Variants in ITFG1 observed in about 807,000 individuals in gnomAD.
The protein encoded by ITFG1 is integrin alpha FG-GAP repeat containing 1, also known as T-cell immunomodulatory protein.
A neutral mutation model predicts 81.8 loss-of-function variants in ITFG1; 34 were observed. The observed-to-expected ratio is 0.42, with a 90% CI of 0.32 to 0.55. ITFG1 has a LOEUF of 0.55. Among genes scored for constraint, ITFG1 ranks in the 20% least tolerant of loss-of-function variants. The pLI is 0.17. For missense variants in ITFG1, 672 were observed against 755.4 expected (o/e 0.89, Z 1.29); for synonymous variants, 285 against 270.6 (o/e 1.05, Z -0.52).
intron 6 of ITFG1, among the ~76,000 whole-genome samples, chr16:47,416,984 T>C (rs1264210179): frequency 6.6e-6 from 1 of 152,240 alleles, no homozygotes; most frequent in Non-Finnish European, 1.5e-5. Context: ...TTACCTGTTA[T>C]TGCTACATAG....
At chr16:47,380,944 A>G (rs1968388589) in intron 6 of ITFG1, among the ~76,000 whole-genome samples, 1 of 152,214 alleles carries the variant, frequency 6.6e-6, no homozygotes, top group Admixed American at 6.5e-5. Context: ...TTAACAAGTA[A>G]AATAGTGAAA....
chr16:47,365,678 G>A (rs1289884483), intron 8 of ITFG1, 110 bp downstream of exon 8: 1 of 650,476 alleles, frequency 1.5e-6, no homozygotes, highest in African/African-American at 1.8e-5. Context: ...TAATAGCTCT[G>A]AAGACCCTGG....
intron 8 of ITFG1, among the ~76,000 whole-genome samples, chr16:47,316,616 G>C (rs1005436127): frequency 1.3e-5 from 2 of 152,218 alleles, no homozygotes; most frequent in African/African-American, 4.8e-5. Context: ...ACAGGATACA[G>C]TGTAGGACTA....
chr16:47,339,332 A>G (rs1967750206), intron 8 of ITFG1, among the ~76,000 whole-genome samples: 1 of 152,198 alleles, frequency 6.6e-6, no homozygotes, highest in Non-Finnish European at 1.5e-5. Context: ...CAGGATCCAC[A>G]TGGTAGCTCT....
chr16:47,460,724 C>A, intron 1 of ITFG1, 114 bp downstream of exon 1: 2 of 1,152,602 alleles, frequency 1.7e-6, no homozygotes, highest in South Asian at 1.4e-5. Context: ...GGCCACAGGG[C>A]TGGGAGAGAA....
intron 5 of ITFG1, chr16:47,448,775 T>A (rs1001648669): frequency 3.3e-5 from 5 of 152,160 alleles, no homozygotes; most frequent in African/African-American, 1.2e-4. Flanking sequence ...ATGCTCATTA[T>A]CAATAACGTC....
At chr16:47,327,646 T>C (rs910351377) in intron 8 of ITFG1, among the ~76,000 whole-genome samples, 21 of 145,352 alleles carry the variant, frequency 1.4e-4, no homozygotes, top group Admixed American at 2.8e-4. Context: ...ACAAACAACC[T>C]CATCAAAAAG....
At chr16:47,214,525 T>G (rs1035328251) in intron 14 of ITFG1, among the ~76,000 whole-genome samples, 1 of 152,218 alleles carries the variant, frequency 6.6e-6, no homozygotes, top group East Asian at 1.9e-4. Context: ...TGGATGCCCA[T>G]TGCAGATCCC....
At chr16:47,285,496 C>T (rs1032881023) in intron 10 of ITFG1, among the ~76,000 whole-genome samples, 3 of 152,186 alleles carry the variant, frequency 2.0e-5, no homozygotes, top group Non-Finnish European at 2.9e-5. Flanking sequence ...CCCAACCTGA[C>T]GCTGGTTGGA....
chr16:47,207,599 G>A (rs1031644041), intron 14 of ITFG1, among the ~76,000 whole-genome samples: 2 of 152,214 alleles, frequency 1.3e-5, no homozygotes, highest in African/African-American at 4.8e-5. Context: ...GTGTCCCAGG[G>A]AGAGGGGATG....
At chr16:47,456,882 T>G (rs1969460907) in intron 2 of ITFG1, among the ~76,000 whole-genome samples, 1 of 152,002 alleles carries the variant, frequency 6.6e-6, no homozygotes, top group Admixed American at 6.6e-5. Flanking sequence ...CCAGACTGGA[T>G]AGGAATGTAG....
chr16:47,437,434 C>T (rs556247320), intron 5 of ITFG1, among the ~76,000 whole-genome samples: 24 of 148,402 alleles, frequency 1.6e-4, no homozygotes, highest in African/African-American at 5.5e-4. Context: ...TACCACTGCA[C>T]TTCGGCCTGG....
At chr16:47,351,069 TAAG>T (rs1967946429) in intron 8 of ITFG1, among the ~76,000 whole-genome samples, 1 of 152,110 alleles carries the variant, frequency 6.6e-6, no homozygotes, top group African/African-American at 2.4e-5. Context: ...CTCAAAATAA[TAAG>T]AGCTATTTAT....
intron 6 of ITFG1, 45 bp downstream of exon 6, chr16:47,428,759 C>T: frequency 2.6e-6 from 3 of 1,156,636 alleles, no homozygotes; most frequent in Non-Finnish European, 3.9e-6. Flanking sequence ...AAATCCCATA[C>T]TTCTTTGGTA....
At chr16:47,293,612 C>T (rs57772915) in intron 10 of ITFG1, among the ~76,000 whole-genome samples, 12,553 of 151,842 alleles carry the variant, frequency 0.083, 956 homozygotes, top group African/African-American at 0.2. Flanking sequence ...TAGTAATGTA[C>T]ATTTTTTTAT....
rs1354161038 is a variant in ITFG1 at position 47,158,895 on chromosome 16, C to A, written c.1757G>T (p.Gly586Val). 1.3e-6 allele frequency: 2 copies of A among 1,584,932 alleles called. No homozygotes were observed. The highest frequency in any genetic ancestry group is 3.5e-5 in the Admixed American group (2 of 57,628). The stretch of plus-strand genomic sequence containing the variant: ...AACCTTTTCCTGCCAATGTAAAATG[C>A]CAATTATTGCCAAGATGAAAACACA... ...GVCVFILAII[G>V]ILHWQEKKAD... is the part of the protein sequence containing the mutation. The change falls in exon 17 of 18, where the codon GGC becomes GTC. Residue 586 changes from glycine (G) to valine (V), a missense_variant. Coordinates refer to ENST00000320640, the MANE Select transcript of ITFG1 (RefSeq NM_030790.5).
intron 14 of ITFG1, among the ~76,000 whole-genome samples, chr16:47,164,642 C>T (rs1220327139): frequency 6.6e-6 from 1 of 152,240 alleles, no homozygotes; most frequent in Non-Finnish European, 1.5e-5. Context: ...GTTTCCTCCA[C>T]CTTTAATCAC....
intron 5 of ITFG1, among the ~76,000 whole-genome samples, chr16:47,430,423 A>C (rs1258898728): frequency 6.6e-6 from 1 of 151,786 alleles, no homozygotes; most frequent in Non-Finnish European, 1.5e-5. Context: ...CAATATATCA[A>C]TTTTTCATTT....
At position 47,313,805 on chromosome 16, in the gene ITFG1, T is replaced by A. The variant is rs1183556666; in HGVS notation, c.821A>T (p.Asp274Val). 6.2e-7 allele frequency: 1 copy of A among 1,603,356 alleles called. No homozygotes were observed. The highest frequency in any genetic ancestry group is 8.5e-7 in the Non-Finnish European group (1 of 1,174,030). ...ATCTTCACAGCCTGGCAGTAAATGA[T>A]CCATGTGTCCATCTCCATCTGCCAA... is the stretch of plus-strand genomic sequence containing the variant. ...FADFDGDGHMDHLLPGCEDKN... is the reference protein window; with the variant it reads ...FADFDGDGHMVHLLPGCEDKN... Residue 274 changes from aspartate to valine, a missense_variant, in exon 9 of 18, where the codon GAT (aspartate) becomes GTT (valine). This residue lies in a region of ITFG1 where 560 missense variants were observed against 625.7 expected (regional missense o/e 0.90). Transcript: ENST00000320640.
Sources: allele counts gnomAD v4.1 joint callset (sites outside exome capture counted in the v4.1 genomes callset), GRCh38; gene constraint gnomAD v4.1.1; regional missense constraint gnomAD v4.1.1; transcripts MANE v1.5; gene names NCBI Gene and HGNC (gene_info 2026-07-23, HGNC 2026-07-21).